The following SLA variants were observed in gnomAD, a reference collection of about 807,000 sequenced individuals.
SLA encodes src-like-adapter.
A neutral mutation model predicts 30.3 loss-of-function variants in SLA; 16 were observed. The ratio of observed to expected loss-of-function variants is 0.53; its 90% CI spans 0.36 to 0.80. The LOEUF (loss-of-function observed/expected upper bound fraction) is 0.80. Among genes scored for constraint, SLA ranks in the 30% least tolerant of loss-of-function variants. The pLI is 0.01. For missense variants in SLA, 310 were observed against 345.2 expected, an observed-to-expected ratio of 0.90 and a Z score of 0.81; for synonymous variants, 143 against 137.8, an observed-to-expected ratio of 1.04 and a Z score of -0.26.
intron 1 of SLA, among the ~76,000 whole-genome samples, chr8:133,086,179 G>A (rs1418234501): frequency 6.6e-6 from 1 of 152,202 alleles, no homozygotes; most frequent in Non-Finnish European, 1.5e-5. Flanking sequence ...AAGTAGATTA[G>A]TGATGGCCTG....
rs761088925 is a variant in SLA, at chr8:133,049,856, G to A, written c.248+46C>T. On this transcript the variant is annotated intron_variant, in intron 5 of 8. Coordinates refer to ENST00000338087, the MANE Select transcript of SLA (RefSeq NM_001045556.3). The stretch of plus-strand genomic sequence containing the variant: ...CTTTGTTCCACCTTATGAGTCACCA[G>A]CATACGCATCATGCTTAATTGCTGC... 4 of 1,193,436 alleles carry A rather than the reference G, an allele frequency of 3.4e-6. No homozygotes were observed. The African/African-American group carries it at 6.0e-5, about 18-fold the overall frequency. 73.9% of individuals were successfully genotyped at this position (1,193,436 alleles called of 1,614,324 possible).
chr8:133,077,142 G>A (rs920847412), intron 1 of SLA, among the ~76,000 whole-genome samples: 3 of 152,176 alleles, frequency 2.0e-5, no homozygotes, highest in African/African-American at 4.8e-5. Context: ...CCAGCCCTGG[G>A]ACAAGCCAGG....
rs58739514 is a variant in SLA, at chr8:133,042,678, C to CTTTTTTTTTTT, written c.484+2295_484+2305dup. Among the ~76,000 whole-genome samples the CTTTTTTTTTTT allele has an allele frequency of 2.1e-3, 118 of 56,768 alleles. 12 individuals are homozygous for CTTTTTTTTTTT. Among genetic ancestry groups the CTTTTTTTTTTT allele is most frequent in the African/African-American group, 2.9e-3 (42 of 14,486 alleles). 37.2% of individuals were successfully genotyped at this position (56,768 alleles called of 152,430 possible). On this transcript the variant is annotated intron_variant, in intron 7 of 8. Coordinates refer to ENST00000338087, the MANE Select transcript of SLA (RefSeq NM_001045556.3). ...GTGCACAATTCCTCTCATTCTGTGT[C>CTTTTTTTTTTT]TTTTTTTTTTTTTTTTTTTTTTTTT...
At chr8:133,072,319 A>C (rs1176652446) in intron 2 of SLA, among the ~76,000 whole-genome samples, 1 of 152,210 alleles carries the variant, frequency 6.6e-6, no homozygotes, top group Admixed American at 6.5e-5. Flanking sequence ...GATAGGAGGA[A>C]GTGGTTTGAA....
chr8:133,052,515 T>G (rs1840605375), intron 3 of SLA, among the ~76,000 whole-genome samples: 1 of 152,150 alleles, frequency 6.6e-6, no homozygotes, highest in Non-Finnish European at 1.5e-5. Flanking sequence ...CTGCAGACCT[T>G]CCCCAAACCT....
chr8:133,087,210 C>T (rs1190549868), intron 1 of SLA, among the ~76,000 whole-genome samples: 2 of 151,792 alleles, frequency 1.3e-5, no homozygotes, highest in Non-Finnish European at 2.9e-5. Flanking sequence ...TTCTTTGTTT[C>T]GTTCACTTGT....
intron 2 of SLA, chr8:133,063,464 C>A (rs1842666460): frequency 6.6e-6 from 1 of 151,482 alleles, no homozygotes; most frequent in Non-Finnish European, 1.5e-5. Context: ...TCTTCTCAAG[C>A]ATTTGCATGC....
intron 2 of SLA, among the ~76,000 whole-genome samples, chr8:133,066,701 T>A (rs2131379498): frequency 6.6e-6 from 1 of 152,346 alleles, no homozygotes; most frequent in East Asian, 1.9e-4. Context: ...TGTGTATCGC[T>A]GGGCAAGTTA....
chr8:133,075,182 G>A, intron 1 of SLA, 52 bp from the exon 2 acceptor site: 1 of 938,642 alleles, frequency 1.1e-6, no homozygotes, highest in Non-Finnish European at 1.3e-6. Flanking sequence ...TGAGAATATG[G>A]CCAGCTTAAC....
At chr8:133,046,278 T>A (rs1839380302) in intron 6 of SLA, among the ~76,000 whole-genome samples, 1 of 152,220 alleles carries the variant, frequency 6.6e-6, no homozygotes, top group Non-Finnish European at 1.5e-5. Context: ...AAATCTCTAT[T>A]AATTCTCAGA....
At chr8:133,047,587 TC>T in intron 6 of SLA, 1 of 530,878 alleles carries the variant, frequency 1.9e-6, no homozygotes, top group East Asian at 3.3e-5. Flanking sequence ...CCAGCAGGAG[TC>T]ATCAGGCCTG....
chr8:133,036,882 G>A lies in SLA; in HGVS notation c.*1642C>T, dbSNP rs1837206502. 1 of 152,488 alleles carries A rather than the reference G, an allele frequency of 6.6e-6. No individual in the cohort carries two copies. Among genetic ancestry groups the A allele is most frequent in the African/African-American group, 2.4e-5 (1 of 41,428 alleles). 9.4% of individuals were successfully genotyped at this position (152,488 alleles called of 1,614,324 possible). A position where few individuals can be genotyped will look rare whatever the true frequency, so the allele number is the denominator to read the frequency against. ...CGGAAAACAACACATAAGATACTGT[G>A]CAGACATCTGGAGTTCAGGGGGTCA... On this transcript the variant is annotated 3_prime_UTR_variant, in exon 9 of 9. Coordinates refer to ENST00000338087, the MANE Select transcript of SLA (RefSeq NM_001045556.3).
chr8:133,053,865 T>C (rs2131260183), intron 3 of SLA, among the ~76,000 whole-genome samples: 1 of 152,314 alleles, frequency 6.6e-6, no homozygotes, highest in South Asian at 2.1e-4. Flanking sequence ...CTATGGCACT[T>C]AAACATCACT....
In SLA at chr8:133,094,774, C is replaced by T. The variant is rs75436751; in HGVS notation, c.-319+7779G>A. ...TTGCCTCTATATACAAATTCATCTG[C>T]ACAGCCAAGACTGAAGGTTCCCTTG... On this transcript the variant is annotated intron_variant, in intron 1 of 8. Transcript: ENST00000338087. 1,454 of 531,712 alleles carry T rather than the reference C, an allele frequency of 2.7e-3. 35 individuals are homozygous for T. The East Asian group carries it at 0.045, about 16-fold the overall frequency. The allele number at this position is 531,712 out of a possible 1,614,324, so 32.9% of individuals were successfully genotyped here.
chr8:133,093,147 T>TCTTTTCTTTTCTTTTC (rs1564180977), intron 1 of SLA, among the ~76,000 whole-genome samples: 3 of 149,784 alleles, frequency 2.0e-5, no homozygotes, highest in African/African-American at 7.6e-5. Flanking sequence ...TTCTTTTTTT[T>TCTTTTCTTTTCTTTTC]TTTTAATTTA....
chr8:133,062,670 C>T (rs564997090), intron 2 of SLA, among the ~76,000 whole-genome samples: 1 of 151,736 alleles, frequency 6.6e-6, no homozygotes, highest in Admixed American at 6.6e-5. Context: ...AGAGGCCGCT[C>T]TGCACAGGCC....
Position 133,038,298 on chromosome 8 carries a change from G to T in SLA, c.*226C>A, listed in dbSNP as rs532876104. 17 of 577,552 alleles carry T rather than the reference G, an allele frequency of 2.9e-5. 1 individual carries two copies. In the South Asian group the frequency reaches 3.3e-4, roughly 11 times the overall value. 35.8% of individuals were successfully genotyped at this position (577,552 alleles called of 1,614,324 possible). On this transcript the variant is annotated 3_prime_UTR_variant, in exon 9 of 9. Transcript: ENST00000338087. The stretch of plus-strand genomic sequence containing the variant: ...TTCCAAGCATCGCCCGACATGTCAT[G>T]ATCCAATGTTTCGTGATGCCACAGC...
intron 3 of SLA, among the ~76,000 whole-genome samples, chr8:133,053,745 A>G (rs1840856845): frequency 6.6e-6 from 1 of 152,242 alleles, no homozygotes. Flanking sequence ...CATTATAAAA[A>G]CCACTGTTCC....
chr8:133,067,901 AGGAAGGAAGGAAGGAAAG>A (rs1272336828), intron 2 of SLA, among the ~76,000 whole-genome samples: 41 of 54,020 alleles, frequency 7.6e-4, no homozygotes, highest in South Asian at 1.7e-3. Context: ...TATGGAAGGA[AGGAAGGAAGGAAGGAAAG>A]AGAGAGAGAG....
Sources: gnomAD v4.1 joint callset for allele counts (sites outside exome capture counted in the v4.1 genomes callset) on GRCh38, gnomAD v4.1.1 for gene constraint, MANE v1.5 for transcripts, NCBI Gene and HGNC (gene_info 2026-07-23, HGNC 2026-07-21) for gene names.